HNRNPM: variants seen among roughly 807,000 people sequenced by gnomAD.
The protein encoded by HNRNPM is CEA receptor.
A neutral mutation model predicts 73.1 loss-of-function variants in HNRNPM; 11 were observed. That is an observed-to-expected ratio of 0.15 (90% confidence interval 0.09 to 0.25). The LOEUF is 0.25. Ranked by LOEUF, HNRNPM falls within the 10% of genes least tolerant of loss-of-function variation. HNRNPM has a pLI of 1.00. For missense variants in HNRNPM, 789 were observed against 1,067.9 expected (o/e 0.74, Z 3.64); for synonymous variants, 407 against 355.2 (o/e 1.15, Z -1.64).
At chr19:8,472,607 T>C (rs1407523486) in intron 10 of HNRNPM, among the ~76,000 whole-genome samples, 2 of 152,218 alleles carry the variant, frequency 1.3e-5, no homozygotes, top group African/African-American at 4.8e-5. Context: ...AGACGGAATT[T>C]TGCTCTTGTT....
chr19:8,453,610 G>A (rs1859387759), intron 1 of HNRNPM, among the ~76,000 whole-genome samples: 1 of 151,978 alleles, frequency 6.6e-6, no homozygotes, highest in African/African-American at 2.4e-5. Context: ...GTTTTGTCAT[G>A]GATTACAAAT....
Position 8,471,371 on chromosome 19 carries a change from C to T in HNRNPM, c.941C>T (p.Pro314Leu), listed in dbSNP as rs780608529. Residue 314 changes from proline to leucine, a missense_variant, in exon 10 of 16, where the codon CCC becomes CTC. Physicochemically the swap from Pro to Leu is moderately conservative, Grantham distance 98. Transcript: ENST00000325495. Reference sequence around the variant, plus strand: ...ATGGGGTTAGGACCAGGAGGGCAACCCATTGATGCCAATCACCTGAATAAA... The same window carrying T: ...ATGGGGTTAGGACCAGGAGGGCAACTCATTGATGCCAATCACCTGAATAAA... Reference protein sequence around the residue: ...IGMGLGPGGQPIDANHLNKGI... With the variant: ...IGMGLGPGGQLIDANHLNKGI... The T allele has an allele frequency of 1.2e-6, 2 of 1,607,886 alleles. No homozygotes were observed. Among genetic ancestry groups the T allele is most frequent in the Non-Finnish European group, 1.7e-6 (2 of 1,177,104 alleles).
chr19:8,487,810 G>GCTCCATTCTTCACCTCTTTC (rs1971419486), intron 15 of HNRNPM: 1 of 152,236 alleles, frequency 6.6e-6, no homozygotes, highest in South Asian at 2.1e-4. Context: ...CTGCCTCTTT[G>GCTCCATTCTTCACCTCTTTC]CTCCATTCTT....
At chr19:8,479,672 G>A (rs1013646176) in intron 12 of HNRNPM, among the ~76,000 whole-genome samples, 12 of 150,712 alleles carry the variant, frequency 8.0e-5, no homozygotes, top group Non-Finnish European at 1.8e-4. Context: ...ACAAATTCCT[G>A]GGCTCAAGTG....
intron 2 of HNRNPM, among the ~76,000 whole-genome samples, chr19:8,458,245 A>T (rs969356125): frequency 2.6e-5 from 4 of 152,202 alleles, no homozygotes; most frequent in African/African-American, 9.7e-5. Context: ...GCAGCATTCT[A>T]GCATTTCCTA....
chr19:8,453,983 A>G (rs903033850), intron 1 of HNRNPM, among the ~76,000 whole-genome samples: 1 of 152,234 alleles, frequency 6.6e-6, no homozygotes, highest in Non-Finnish European at 1.5e-5. Flanking sequence ...GATTGTCTGC[A>G]TGCTGTCTTC....
At chr19:8,445,284 G>A (rs1968058570) in intron 1 of HNRNPM, 173 bp downstream of exon 1, 1 of 521,706 alleles carries the variant, frequency 1.9e-6, no homozygotes, top group Non-Finnish European at 3.0e-6. Context: ...GGGAGCCGGG[G>A]GAGCCTCCAG....
In HNRNPM at chr19:8,485,710, G is replaced by T; in HGVS notation, c.1282G>T (p.Asp428Tyr). Residue 428 changes from aspartate (D) to tyrosine (Y), a missense_variant, in exon 14 of 16, where the codon GAT becomes TAT. Asp to Tyr is a radical substitution (Grantham distance 160). Around this residue, in one of 4 missense-constraint regions of HNRNPM, gnomAD observed 604 missense variants for 744.0 expected, o/e 0.81. Transcript: ENST00000325495. ...RMGAGLGHGM[D>Y]RVGSEIERMG... ...GGGCGCGGGCCTGGGCCACGGCATGGATCGCGTGGGCTCCGAGATCGAGCG... is the reference window on the plus strand; with the variant it reads ...GGGCGCGGGCCTGGGCCACGGCATGTATCGCGTGGGCTCCGAGATCGAGCG... The T allele has an allele frequency of 6.2e-7, 1 of 1,607,176 alleles. No homozygotes were observed.
chr19:8,468,212 A>G (rs924545020), intron 8 of HNRNPM, among the ~76,000 whole-genome samples: 2 of 152,132 alleles, frequency 1.3e-5, no homozygotes, highest in African/African-American at 4.8e-5. Context: ...TCAAAGTATT[A>G]CAGTATAATG....
intron 2 of HNRNPM, among the ~76,000 whole-genome samples, chr19:8,461,126 A>C (rs1969367307): frequency 6.6e-6 from 1 of 152,190 alleles, no homozygotes; most frequent in Non-Finnish European, 1.5e-5. Context: ...TTTTGTACAA[A>C]GTGTCAGTTT....
intron 6 of HNRNPM, among the ~76,000 whole-genome samples, chr19:8,465,983 A>G (rs1969716780): frequency 6.6e-6 from 1 of 152,210 alleles, no homozygotes; most frequent in Admixed American, 6.5e-5. Context: ...GAAAATGAGT[A>G]TTAATTTGAA....
intron 2 of HNRNPM, among the ~76,000 whole-genome samples, chr19:8,456,129 C>CT (rs1049083273): frequency 2.6e-5 from 4 of 152,084 alleles, no homozygotes; most frequent in African/African-American, 9.7e-5. Context: ...ATAGAGTAGA[C>CT]TGGCCATTGG....
chr19:8,472,028 G>A lies in HNRNPM; in HGVS notation c.997+601G>A, dbSNP rs565097273. Among the ~76,000 whole-genome samples the A allele has an allele frequency of 8.4e-4, 128 of 152,086 alleles. 1 individual carries two copies. The highest frequency in any genetic ancestry group is 2.9e-3 in the African/African-American group (122 of 41,484). On this transcript the variant is annotated intron_variant, in intron 10 of 15. Transcript: ENST00000325495. The stretch of plus-strand genomic sequence containing the variant: ...TCTACTAAAAATAAAACAATTAGCC[G>A]GGCGTGGTGGCGCACGCCTGTAATC...
At chr19:8,488,059 A>T (rs199533892) in intron 15 of HNRNPM, 3 of 180 alleles carry the variant, frequency 0.017, no homozygotes, top group African/African-American at 0.017. Context: ...CGTGTGAGCC[A>T]ATTACTGGCA....
In HNRNPM at chr19:8,488,707, C is replaced by T. The variant is rs374128075; in HGVS notation, c.2046C>T (p.Ala682=). ...CTGTCCTAGGCCACGTGCTGTACGCCGACATCAAGATGGAGAATGGGAAGT... is the reference window on the plus strand; with the variant it reads ...CTGTCCTAGGCCACGTGCTGTACGCTGACATCAAGATGGAGAATGGGAAGT... ...KFNECGHVLY[A]DIKMENGKSK... Residue 682 remains alanine, a synonymous_variant, in exon 16 of 16, where the codon GCC becomes GCT. Transcript: ENST00000325495. The T allele has an allele frequency of 1.3e-5, 21 of 1,613,598 alleles. No homozygotes were observed. Among genetic ancestry groups the T allele is most frequent in the Admixed American group, 6.7e-5 (4 of 59,950 alleles).
At chr19:8,478,371 G>A (rs1478810990) in intron 12 of HNRNPM, among the ~76,000 whole-genome samples, 3 of 152,140 alleles carry the variant, frequency 2.0e-5, no homozygotes. Context: ...TCCTGGAAAG[G>A]CCTAGGGTGA....
At chr19:8,471,715 T>G (rs566139254) in intron 10 of HNRNPM, among the ~76,000 whole-genome samples, 3 of 152,332 alleles carry the variant, frequency 2.0e-5, no homozygotes, top group Admixed American at 2.0e-4. Context: ...AGAGTTGATC[T>G]TGCTCAAGGT....
chr19:8,450,212 AG>A (rs1191577736), intron 1 of HNRNPM, among the ~76,000 whole-genome samples: 2 of 152,174 alleles, frequency 1.3e-5, no homozygotes, highest in South Asian at 4.1e-4. Context: ...ACACGGGCAG[AG>A]GGGTCCTTGT....
chr19:8,445,230 C>A, intron 1 of HNRNPM, 119 bp downstream of exon 1: 1 of 879,160 alleles, frequency 1.1e-6, no homozygotes, highest in Non-Finnish European at 1.6e-6. Context: ...CCCGGCTGTT[C>A]CCGTACCGCC....
Sources: gnomAD v4.1 joint callset for allele counts (sites outside exome capture counted in the v4.1 genomes callset) on GRCh38, gnomAD v4.1.1 for gene constraint, gnomAD v4.1.1 regional missense constraint, MANE v1.5 for transcripts, NCBI Gene and HGNC (gene_info 2026-07-23, HGNC 2026-07-21) for gene names.